The following KDM6A variants were observed in gnomAD, a reference collection of about 807,000 sequenced individuals.
KDM6A encodes the protein lysine-specific demethylase 6A.
Under a neutral mutation model 117.6 loss-of-function variants are expected in KDM6A, and 11 were observed. That is an observed-to-expected ratio of 0.09 (90% CI 0.06 to 0.15). The LOEUF is 0.15. KDM6A is among the 10% of genes least tolerant of loss of function. The pLI is 1.00. For synonymous variants in KDM6A, 384 were observed against 396.1 expected, an observed-to-expected ratio of 0.97 and a Z score of 0.36; for missense variants, 799 against 1,077.3, an observed-to-expected ratio of 0.74 and a Z score of 3.62.
chrX:45,044,972 T>G (rs2043462745), intron 8 of KDM6A, among the ~76,000 whole-genome samples: 1 of 111,578 alleles, frequency 9.0e-6, no homozygotes, highest in Non-Finnish European at 1.9e-5. Flanking sequence ...TAGACATCTA[T>G]AATATAAGTA....
chrX:44,963,471 G>GTC (rs1287303056), intron 3 of KDM6A, among the ~76,000 whole-genome samples: 12 of 29,926 alleles, frequency 4.0e-4, no homozygotes, highest in South Asian at 4.8e-3. Context: ...GTGTGTGTGT[G>GTC]TGTGTGTGTG....
chrX:45,101,749 A>G (rs1444900716), intron 27 of KDM6A, among the ~76,000 whole-genome samples: 2 of 112,019 alleles, frequency 1.8e-5, no homozygotes, highest in African/African-American at 3.2e-5. Context: ...GGCATTCATC[A>G]TACAATTTTT....
intron 24 of KDM6A, 126 bp from the exon 25 acceptor site, chrX:45,085,738 GT>G (rs1033686240): frequency 4.1e-6 from 2 of 482,481 alleles, no homozygotes; most frequent in Non-Finnish European, 7.4e-6. Context: ...CATTTGTAAG[GT>G]TTTGTTTCCA....
At chrX:45,041,299 G>A (rs1423288870) in intron 8 of KDM6A, among the ~76,000 whole-genome samples, 1 of 88,332 alleles carries the variant, frequency 1.1e-5, no homozygotes, top group Non-Finnish European at 2.2e-5. Context: ...GCCGGGCGGG[G>A]GGCTGACCCC....
chrX:44,887,566 C>T (rs2032994527), intron 2 of KDM6A, among the ~76,000 whole-genome samples: 1 of 111,093 alleles, frequency 9.0e-6, no homozygotes, highest in African/African-American at 3.3e-5. Context: ...CATATTCTCT[C>T]AAAATCTCTA....
At chrX:45,011,320 C>T (rs1225013747) in intron 5 of KDM6A, among the ~76,000 whole-genome samples, 1 of 111,050 alleles carries the variant, frequency 9.0e-6, no homozygotes, top group East Asian at 2.8e-4. Context: ...TGGTGTTCCC[C>T]AAGTTATTTG....
intron 2 of KDM6A, among the ~76,000 whole-genome samples, chrX:44,956,322 A>G (rs1463115569): frequency 2.7e-5 from 3 of 111,541 alleles, no homozygotes; most frequent in African/African-American, 9.8e-5. Flanking sequence ...GATATGTATA[A>G]TATAATTTAT....
At chrX:45,075,030 T>C (rs2045047690) in intron 18 of KDM6A, among the ~76,000 whole-genome samples, 1 of 111,670 alleles carries the variant, frequency 9.0e-6, no homozygotes, top group Non-Finnish European at 1.9e-5. Flanking sequence ...ACAGTTTTAA[T>C]ACATGGTTCA....
chrX:45,041,649 C>A (rs1380709133), intron 8 of KDM6A, among the ~76,000 whole-genome samples: 1 of 107,556 alleles, frequency 9.3e-6, no homozygotes, highest in Non-Finnish European at 1.9e-5. Flanking sequence ...ACCTCTCAGA[C>A]GATGGGCGGC....
In KDM6A at chrX:44,942,338, G is replaced by GT. The variant is rs201452703; in HGVS notation, c.226-18939dup. On this transcript the variant is annotated intron_variant, in intron 2 of 29. Coordinates refer to ENST00000611820, the MANE Select transcript of KDM6A (RefSeq NM_001291415.2). ...ATGAGCCACCATGCCTGGCTTTTCTGTTTTTTTAAGAAATTGTCTTTGCAC... is the reference window on the plus strand; with the variant it reads ...ATGAGCCACCATGCCTGGCTTTTCTGTTTTTTTTAAGAAATTGTCTTTGCAC... Among the ~76,000 whole-genome samples the GT allele has an allele frequency of 5.6e-3, 615 of 110,483 alleles. 5 individuals are homozygous for GT. The highest frequency in any genetic ancestry group is 6.4e-3 in the Non-Finnish European group (339 of 52,823).
intron 4 of KDM6A, among the ~76,000 whole-genome samples, chrX:44,990,693 C>T (rs189777558): frequency 6.3e-5 from 7 of 111,648 alleles, no homozygotes; most frequent in African/African-American, 9.7e-5. Context: ...TGCTATTATA[C>T]ATGCCATTTT....
rs1212270608 is a variant in KDM6A at position 44,873,595 on chromosome X, C to A, written c.44C>A (p.Ala15Asp). Residue 15 changes from alanine to aspartate, a missense_variant, in exon 1 of 30, where the codon GCC becomes GAC. By Grantham distance (126) the Ala-to-Asp change is moderately radical (BLOSUM62 -2). Coordinates refer to ENST00000611820, the MANE Select transcript of KDM6A (RefSeq NM_001291415.2). ...TCGCTCGCTACCGCCGCCGCTGCCG[C>A]CGCCGCTTTCGGTGATGAGGAAAAG... The part of the protein sequence containing the change: ...GVSLATAAAA[A>D]AAFGDEEKKM... The A allele has an allele frequency of 1.7e-6, 2 of 1,207,504 alleles. No homozygotes were observed. The highest frequency in any genetic ancestry group is 5.9e-5 in the East Asian group (2 of 33,720).
At chrX:44,902,620 C>T (rs903871906) in intron 2 of KDM6A, among the ~76,000 whole-genome samples, 2 of 111,903 alleles carry the variant, frequency 1.8e-5, no homozygotes, top group African/African-American at 6.5e-5. Flanking sequence ...GAACTCCTGA[C>T]CTCAGGTGAT....
intron 2 of KDM6A, among the ~76,000 whole-genome samples, chrX:44,927,639 C>G (rs887245784): frequency 5.4e-5 from 6 of 111,026 alleles, no homozygotes; most frequent in Admixed American, 9.7e-5. Context: ...GATTCATAAG[C>G]CACCTGAACT....
At chrX:45,056,340 A>G (rs755345785) in intron 10 of KDM6A, among the ~76,000 whole-genome samples, 3 of 111,903 alleles carry the variant, frequency 2.7e-5, no homozygotes, top group Non-Finnish European at 3.8e-5. Context: ...GAAGACCTCA[A>G]TTGTCAGTAA....
chrX:45,040,726 A>G (rs1239971156), intron 8 of KDM6A, among the ~76,000 whole-genome samples: 1 of 38,796 alleles, frequency 2.6e-5, no homozygotes, highest in Non-Finnish European at 4.5e-5. Flanking sequence ...CGGGGGGCTG[A>G]CCCCCCCACC....
At chrX:45,084,422 T>TG (rs750678311) in intron 24 of KDM6A, among the ~76,000 whole-genome samples, 69 of 111,658 alleles carry the variant, frequency 6.2e-4, no homozygotes, top group African/African-American at 1.4e-3. Flanking sequence ...CCAATGTACT[T>TG]GGGGCTGCAG....
chrX:44,885,312 C>T (rs918014315), intron 2 of KDM6A, among the ~76,000 whole-genome samples: 4 of 109,942 alleles, frequency 3.6e-5, no homozygotes, highest in African/African-American at 9.9e-5. Context: ...AGGCATGAGC[C>T]GTTGTGCCTG....
At chrX:45,018,399 A>G (rs932593700) in intron 5 of KDM6A, among the ~76,000 whole-genome samples, 1 of 111,584 alleles carries the variant, frequency 9.0e-6, no homozygotes, top group Non-Finnish European at 1.9e-5. Flanking sequence ...GTTATTTGGA[A>G]CATGTGTTTT....
Sources: allele counts gnomAD v4.1 joint callset (sites outside exome capture counted in the v4.1 genomes callset), GRCh38; gene constraint gnomAD v4.1.1; transcripts MANE v1.5; gene names NCBI Gene and HGNC (gene_info 2026-07-23, HGNC 2026-07-21).